The following OSBPL7 variants were observed in gnomAD, a reference collection of about 807,000 sequenced individuals.
The protein encoded by OSBPL7 is oxysterol binding protein like 7.
A neutral mutation model predicts 115.8 loss-of-function variants in OSBPL7; 66 were observed. The observed-to-expected ratio is 0.57, with a 90% CI of 0.47 to 0.70. The LOEUF (loss-of-function observed/expected upper bound fraction) is 0.70, where lower values mean the gene tolerates loss of function less well. OSBPL7 is among the 30% of genes least tolerant of loss of function. OSBPL7 has a pLI of 0.00. For missense variants in OSBPL7, 902 were observed against 1,125.5 expected, an observed-to-expected ratio of 0.80 and a Z score of 2.84; for synonymous variants, 441 against 439.2, an observed-to-expected ratio of 1.00 and a Z score of -0.05.
At position 47,808,691 on chromosome 17, in the gene OSBPL7, G is replaced by T. The variant is rs1169371072; in HGVS notation, c.2298-31C>A. 6.2e-7 allele frequency: 1 copy of T among 1,613,170 alleles called. No homozygotes were observed. The highest frequency in any genetic ancestry group is 2.2e-5 in the East Asian group (1 of 44,866). ...GATCCAGATCAAACTCAGGGGAACT[G>T]CCCATCTGCAGGGGCCCCCAAACCC... On this transcript the variant is annotated intron_variant, in intron 21 of 22. Transcript: ENST00000007414. The surrounding 1 kb of genome is among the most constrained non-coding windows in gnomAD (Gnocchi z 6.1).
rs979550864 is a variant in OSBPL7, at chr17:47,816,284, G to A, written c.1024-82C>T. On this transcript the variant is annotated intron_variant, in intron 11 of 22. Coordinates refer to ENST00000007414, the MANE Select transcript of OSBPL7 (RefSeq NM_145798.3). The surrounding 1 kb of genome is among the most constrained non-coding windows in gnomAD (Gnocchi z 5.8). ...CCGCATCTCTGCAGAGACTGCCTCT[G>A]CCAACCCCCCACCCTGACCCAGATC... is the stretch of plus-strand genomic sequence containing the variant. 15 of 1,496,622 alleles carry A rather than the reference G, an allele frequency of 1.0e-5. No homozygotes were observed. The African/African-American group carries it at 2.1e-4, about 21-fold the overall frequency. 92.7% of individuals were successfully genotyped at this position (1,496,622 alleles called of 1,614,324 possible).
intron 4 of OSBPL7, 34 bp from the exon 5 acceptor site, chr17:47,819,133 C>T (rs758749154): frequency 2.5e-6 from 4 of 1,577,538 alleles, no homozygotes; most frequent in Non-Finnish European, 3.5e-6. Context: ...GGAGAGGGGA[C>T]CTGTTTTAGG....
At position 47,808,852 on chromosome 17, in the gene OSBPL7, T is replaced by G; in HGVS notation, c.2297+12A>C. 6.2e-7 allele frequency: 1 copy of G among 1,614,096 alleles called. No homozygotes were observed. Among genetic ancestry groups the G allele is most frequent in the Non-Finnish European group, 8.5e-7 (1 of 1,179,986 alleles). ...CTAGATGGTTCTAGGCCGGCACCCA[T>G]CCGGCACTGACCTCTGGTCTGGCCG... On this transcript the variant is annotated intron_variant, in intron 21 of 22. Coordinates refer to ENST00000007414, the MANE Select transcript of OSBPL7 (RefSeq NM_145798.3). This position sits in a 1 kb window ranked among gnomAD's most constrained non-coding sequence, Gnocchi z 6.1.
intron 12 of OSBPL7, 30 bp from the exon 13 acceptor site, chr17:47,815,382 T>G: frequency 6.2e-7 from 1 of 1,611,958 alleles, no homozygotes; most frequent in Non-Finnish European, 8.5e-7. Context: ...GATGTCAGGC[T>G]CCGGGGCCAA....
chr17:47,810,885 C>A (rs2074188), intron 16 of OSBPL7, 50 bp from the exon 17 acceptor site: 44 of 1,574,138 alleles, frequency 2.8e-5, no homozygotes, highest in Admixed American at 8.8e-5. Context: ...CACCATTAGG[C>A]TACCCCAAAG....
chr17:47,821,476 G>A (rs1469390705), intron 1 of OSBPL7, among the ~76,000 whole-genome samples, 190 bp downstream of exon 1: 3 of 152,166 alleles, frequency 2.0e-5, no homozygotes, highest in African/African-American at 7.2e-5. Context: ...CCCTTCTCCC[G>A]GCCCTGTGGG....
intron 16 of OSBPL7, 149 bp downstream of exon 16, chr17:47,813,117 G>A (rs1272264750): frequency 9.3e-7 from 1 of 1,073,882 alleles, no homozygotes; most frequent in Non-Finnish European, 1.3e-6. Context: ...TCAGAACGTG[G>A]GCCAGGAGCA....
At position 47,818,988 on chromosome 17, in the gene OSBPL7, T is replaced by C. The variant is rs1171669320; in HGVS notation, c.367A>G (p.Lys123Glu). Residue 123 changes from lysine (K) to glutamate (E), a missense_variant and splice_region_variant, in exon 5 of 23, where the codon AAG (lysine) becomes GAG (glutamate). Lys to Glu is a moderately conservative substitution (Grantham distance 56, BLOSUM62 1). Transcript: ENST00000007414. ...GTCCTGCCTCCCAGGGATGTCACCTTGAGGTGGTAGATGTTGTCTTCAGTG... is the reference window on the plus strand; with the variant it reads ...GTCCTGCCTCCCAGGGATGTCACCTCGAGGTGGTAGATGTTGTCTTCAGTG... ...LDTEDNIYHL[K>E]IKSQDLFQSW... 2.5e-6 allele frequency: 4 copies of C among 1,613,164 alleles called. No individual in the cohort carries two copies. The highest frequency in any genetic ancestry group is 3.4e-6 in the Non-Finnish European group (4 of 1,179,304).
At chr17:47,817,976 C>G (rs1238516100) in intron 7 of OSBPL7, among the ~76,000 whole-genome samples, 4 of 152,312 alleles carry the variant, frequency 2.6e-5, no homozygotes, top group East Asian at 1.9e-4. Flanking sequence ...TAGAGCACAC[C>G]CCTTCCCTGG....
chr17:47,815,609 C>A, intron 12 of OSBPL7: 1 of 507,336 alleles, frequency 2.0e-6, no homozygotes, highest in Non-Finnish European at 3.5e-6. Context: ...CCCTGAGCCC[C>A]ACTCCAAGCC....
At chr17:47,817,535 G>A (rs1281339651) in intron 7 of OSBPL7, among the ~76,000 whole-genome samples, 176 bp from the exon 8 acceptor site, 3 of 152,066 alleles carry the variant, frequency 2.0e-5, no homozygotes, top group Non-Finnish European at 4.4e-5. Flanking sequence ...GATTACAGGT[G>A]CGCACCACCA....
At chr17:47,810,939 G>A (rs778167609) in intron 16 of OSBPL7, 104 bp from the exon 17 acceptor site, 63 of 1,163,080 alleles carry the variant, frequency 5.4e-5, no homozygotes, top group Non-Finnish European at 6.9e-5. Context: ...CACAAGACCA[G>A]TTGGTTCCAG....
Position 47,809,110 on chromosome 17 carries a change from TC to T in OSBPL7, c.2135del (p.Gly712AspfsTer32), listed in dbSNP as rs1567938011. On this transcript the variant is annotated frameshift_variant, in exon 20 of 23. Coordinates refer to ENST00000007414, the MANE Select transcript of OSBPL7 (RefSeq NM_145798.3). LOFTEE classifies it high-confidence loss of function. Reference sequence around the variant, plus strand: ...AGATGCACTGGCCACCTGGCGTGGGTCCCCGGTACAGCCCCTCGTGCCACTT... The same window carrying T: ...AGATGCACTGGCCACCTGGCGTGGGTCCCGGTACAGCCCCTCGTGCCACTT... ...FGKWHEGLYRGPTPGGQCIWK... is the reference protein window; with the variant it reads ...FGKWHEGLYRXPTPGGQCIWK... The T allele has an allele frequency of 6.2e-7, 1 of 1,613,894 alleles. No homozygotes were observed. The highest frequency in any genetic ancestry group is 8.5e-7 in the Non-Finnish European group (1 of 1,179,982).
chr17:47,819,820 C>T (rs749087141), intron 3 of OSBPL7, 38 bp from the exon 4 acceptor site: 7 of 1,613,734 alleles, frequency 4.3e-6, no homozygotes, highest in Admixed American at 1.7e-5. Flanking sequence ...CCCGGGAGGC[C>T]GAGAGGAAGG....
chr17:47,809,284 A>C, intron 19 of OSBPL7, 50 bp downstream of exon 19: 1 of 1,611,332 alleles, frequency 6.2e-7, no homozygotes, highest in Non-Finnish European at 8.5e-7. Context: ...TGACCTCCAG[A>C]GACAGAGGCT....
At chr17:47,819,841 G>C in intron 3 of OSBPL7, 59 bp from the exon 4 acceptor site, 1 of 1,611,140 alleles carries the variant, frequency 6.2e-7, no homozygotes, top group Non-Finnish European at 8.5e-7. Flanking sequence ...GCATGAGGGA[G>C]AAGGCAACCA....
rs2032911600 is a variant in OSBPL7, at chr17:47,808,102, C to A, written c.*189G>T. 2 of 591,948 alleles carry A rather than the reference C, an allele frequency of 3.4e-6. No homozygotes were observed. The highest frequency in any genetic ancestry group is 5.9e-5 in the Admixed American group (2 of 33,796). 36.7% of individuals were successfully genotyped at this position (591,948 alleles called of 1,614,324 possible). On this transcript the variant is annotated 3_prime_UTR_variant, in exon 23 of 23. Transcript: ENST00000007414. This position sits in a 1 kb window ranked among gnomAD's most constrained non-coding sequence, Gnocchi z 6.1. ...GGGAAGCACAGATTCTGCTTCTCAC[C>A]CCAAACGGTGGGGTTGGGGGTGGGC...
intron 16 of OSBPL7, among the ~76,000 whole-genome samples, chr17:47,811,147 T>C (rs367736010): frequency 3.0e-3 from 453 of 152,124 alleles, no homozygotes; most frequent in African/African-American, 0.011. Context: ...CTCCACCCCA[T>C]GCCCTGCCTG....
intron 16 of OSBPL7, among the ~76,000 whole-genome samples, chr17:47,812,437 C>T (rs553392740): frequency 9.9e-4 from 151 of 152,322 alleles, no homozygotes; most frequent in Non-Finnish European, 1.5e-3. Context: ...TCCAGGCCAG[C>T]GACTCCAGAG....
Sources: gnomAD v4.1 joint callset for allele counts (sites outside exome capture counted in the v4.1 genomes callset) on GRCh38, gnomAD v4.1.1 for gene constraint, Gnocchi (gnomAD v3.1) non-coding constraint, MANE v1.5 for transcripts, NCBI Gene and HGNC (gene_info 2026-07-23, HGNC 2026-07-21) for gene names.